NPHP4: variants seen among roughly 807,000 people sequenced by gnomAD.
The protein encoded by NPHP4 is nephrocystin 4, also known as nephrocystin-4.
NPHP4 carries 151 observed loss-of-function variants against 155.8 expected under a neutral mutation model. That is an observed-to-expected ratio of 0.97 (90% CI 0.85 to 1.11). The LOEUF is 1.11. NPHP4 is among the 50% of genes least tolerant of loss of function. NPHP4 has a pLI of 0.00. For synonymous variants in NPHP4, 845 were observed against 816.8 expected (o/e 1.03, Z -0.59); for missense variants, 1,956 against 1,925.7 (o/e 1.02, Z -0.29).
intron 11 of NPHP4, among the ~76,000 whole-genome samples, chr1:5,926,678 T>C (rs1209605918): frequency 6.6e-6 from 1 of 152,114 alleles, no homozygotes; most frequent in South Asian, 2.1e-4. Flanking sequence ...AATTAGAATC[T>C]CAATCCATGA....
chr1:5,977,130 C>G (rs76257192), intron 3 of NPHP4, among the ~76,000 whole-genome samples: 36 of 152,152 alleles, frequency 2.4e-4, no homozygotes, highest in Non-Finnish European at 3.5e-4. Context: ...AAACTCCCCC[C>G]ACTCGAGTTC....
chr1:5,941,289 C>CAAAAAAAAAA (rs66676950), intron 9 of NPHP4, among the ~76,000 whole-genome samples: 6 of 44,774 alleles, frequency 1.3e-4, no homozygotes, highest in African/African-American at 4.9e-4. Flanking sequence ...GAGATCTAGA[C>CAAAAAAAAAA]AAAAAAAAAA....
intron 7 of NPHP4, among the ~76,000 whole-genome samples, chr1:5,948,934 T>C (rs1647357572): frequency 6.6e-6 from 1 of 152,238 alleles, no homozygotes; most frequent in African/African-American, 2.4e-5. Flanking sequence ...TATTAAATTA[T>C]GTGATCTTTG....
Position 5,874,448 on chromosome 1 carries a change from C to T in NPHP4, c.3231+23G>A, listed in dbSNP as rs1356630664. The T allele has an allele frequency of 6.7e-6, 10 of 1,497,548 alleles. No individual in the cohort carries two copies. The South Asian group carries it at 7.9e-5, about 12-fold the overall frequency. 92.8% of individuals were successfully genotyped at this position (1,497,548 alleles called of 1,614,324 possible). A position where few individuals can be genotyped will look rare whatever the true frequency, so the allele number is the denominator to read the frequency against. Reference sequence around the variant, plus strand: ...CACCGTCATCAGCCAAATGCAACTTCCCTGTGTGCCTGACACCCGCACCTG... The same window carrying T: ...CACCGTCATCAGCCAAATGCAACTTTCCTGTGTGCCTGACACCCGCACCTG... On this transcript the variant is annotated intron_variant, in intron 22 of 29. Coordinates refer to ENST00000378156, the MANE Select transcript of NPHP4 (RefSeq NM_015102.5).
intron 17 of NPHP4, chr1:5,888,289 C>A: frequency 1.0e-6 from 1 of 973,634 alleles, no homozygotes; most frequent in Non-Finnish European, 1.2e-6. Context: ...TGACAACGGC[C>A]TCACGGCTGT....
At chr1:5,880,007 ACACACACACATG>A (rs1270912535) in intron 19 of NPHP4, 95 bp downstream of exon 19, 16 of 1,316,004 alleles carry the variant, frequency 1.2e-5, no homozygotes, top group Admixed American at 1.1e-4. Flanking sequence ...AATGGTGCAC[ACACACACACATG>A]CACACACGCA....
In NPHP4 at chr1:5,947,148, G is replaced by A. The variant is rs1430741326; in HGVS notation, c.1075C>T (p.Gln359Ter). ...VGHPAFAVIFQLEYVFSSPAG... is the reference protein window; with the variant it reads ...VGHPAFAVIF ...GGGCTGCTGAACACGTACTCCAGCT[G>A]GAAGATGACCGCAAATGCAGGGTGG... is the stretch of plus-strand genomic sequence containing the variant. Residue 359 changes from glutamine to a stop codon, truncating the protein, a stop_gained, in exon 9 of 30, where the codon CAG becomes TAG. Coordinates refer to ENST00000378156, the MANE Select transcript of NPHP4 (RefSeq NM_015102.5). LOFTEE classifies it high-confidence loss of function. 8.7e-6 allele frequency: 14 copies of A among 1,613,894 alleles called. No individual in the cohort carries two copies. Among genetic ancestry groups the A allele is most frequent in the Non-Finnish European group, 1.2e-5 (14 of 1,179,898 alleles).
intron 6 of NPHP4, among the ~76,000 whole-genome samples, chr1:5,954,338 A>G (rs1648779971): frequency 6.6e-6 from 1 of 152,250 alleles, no homozygotes; most frequent in Non-Finnish European, 1.5e-5. Context: ...TTGTAAGTGA[A>G]AAGAATAGTA....
At chr1:5,980,479 G>A (rs904575461) in intron 2 of NPHP4, among the ~76,000 whole-genome samples, 1 of 152,220 alleles carries the variant, frequency 6.6e-6, no homozygotes, top group African/African-American at 2.4e-5. Context: ...AATCATGCAG[G>A]GAGGCCAGGG....
Position 5,867,350 on chromosome 1 carries a change from G to A in NPHP4, c.3473-235C>T, listed in dbSNP as rs556446053. 1.8e-6 allele frequency: 1 copy of A among 559,484 alleles called. No individual in the cohort carries two copies. Among genetic ancestry groups the A allele is most frequent in the East Asian group, 2.9e-5 (1 of 34,200 alleles). 34.7% of individuals were successfully genotyped at this position (559,484 alleles called of 1,614,324 possible). A position where few individuals can be genotyped will look rare whatever the true frequency, so the allele number is the denominator to read the frequency against. On this transcript the variant is annotated intron_variant, in intron 24 of 29. Transcript: ENST00000378156. The surrounding 1 kb of genome is among the most constrained non-coding windows in gnomAD (Gnocchi z 4.1). ...GCTCGGCTGCAGCCATCTCCACAGG[G>A]AATAATCGAGGGGGCCACAAAAAAG...
At chr1:5,989,337 T>TC (rs1483114359) in intron 1 of NPHP4, among the ~76,000 whole-genome samples, 1 of 152,148 alleles carries the variant, frequency 6.6e-6, no homozygotes, top group Admixed American at 6.5e-5. Flanking sequence ...CATACAGCTG[T>TC]CCACGACTTA....
intron 11 of NPHP4, among the ~76,000 whole-genome samples, chr1:5,923,227 G>A (rs1645835205): frequency 6.6e-6 from 1 of 152,152 alleles, no homozygotes; most frequent in Non-Finnish European, 1.5e-5. Context: ...CTATTAACAG[G>A]ACTTCTACTT....
In NPHP4 at chr1:5,862,943, G is replaced by A. The variant is rs1640796584; in HGVS notation, c.*322C>T. On this transcript the variant is annotated 3_prime_UTR_variant, in exon 30 of 30. Transcript: ENST00000378156. Reference sequence around the variant, plus strand: ...AGAAAAACATAATTTTCTCATTTAGGATGATTCATAAAATACATTTTGAGC... The same window carrying A: ...AGAAAAACATAATTTTCTCATTTAGAATGATTCATAAAATACATTTTGAGC... The A allele has an allele frequency of 2.8e-6, 1 of 363,466 alleles. No individual in the cohort carries two copies. The highest frequency in any genetic ancestry group is 4.5e-5 in the South Asian group (1 of 22,008). 22.5% of individuals were successfully genotyped at this position (363,466 alleles called of 1,614,324 possible).
chr1:5,947,490 G>A (rs1244114921), intron 8 of NPHP4, among the ~76,000 whole-genome samples: 6 of 152,188 alleles, frequency 3.9e-5, no homozygotes, highest in African/African-American at 7.2e-5. Context: ...CAATCCTCCC[G>A]CCTCAGCCTC....
Position 5,862,986 on chromosome 1 carries a change from T to C in NPHP4, c.*279A>G. The C allele has an allele frequency of 4.1e-6, 2 of 482,408 alleles. No individual in the cohort carries two copies. The highest frequency in any genetic ancestry group is 6.5e-5 in the East Asian group (2 of 30,560). The allele number at this position is 482,408 out of a possible 1,614,324, so 29.9% of individuals were successfully genotyped here. A position where few individuals can be genotyped will look rare whatever the true frequency, so the allele number is the denominator to read the frequency against. ...TTTTGAGCAACAGCGATAACGAGGG[T>C]CCCACATGCGTAGATGGCAGCACCA... On this transcript the variant is annotated 3_prime_UTR_variant, in exon 30 of 30. Coordinates refer to ENST00000378156, the MANE Select transcript of NPHP4 (RefSeq NM_015102.5).
chr1:5,909,266 G>GCCCACT, intron 11 of NPHP4, 53 bp from the exon 12 acceptor site: 1 of 1,444,716 alleles, frequency 6.9e-7, no homozygotes, highest in Non-Finnish European at 9.6e-7. Context: ...CTGTGTTGGG[G>GCCCACT]GCAGTGGGCC....
At position 5,969,120 on chromosome 1, in the gene NPHP4, G is replaced by A. The variant is rs370837214; in HGVS notation, c.419C>T (p.Pro140Leu). ...FGILRIFSNQPDSPISASQDK... is the reference protein window; with the variant it reads ...FGILRIFSNQLDSPISASQDK... ...CTGGGAAGCAGAGATAGGAGAGTCC[G>A]GCTGGTTGCTGAAGATCCGAAGAAT... The change falls in exon 4 of 30, where the codon CCG becomes CTG. Residue 140 changes from proline to leucine, a missense_variant. Physicochemically the swap from Pro to Leu is moderately conservative, Grantham distance 98. Coordinates refer to ENST00000378156, the MANE Select transcript of NPHP4 (RefSeq NM_015102.5). 6.8e-5 allele frequency: 106 copies of A among 1,550,944 alleles called. No individual in the cohort carries two copies. The African/African-American group carries it at 8.1e-4, about 12-fold the overall frequency.
At chr1:5,989,901 A>G (rs993740437) in intron 1 of NPHP4, among the ~76,000 whole-genome samples, 1 of 152,214 alleles carries the variant, frequency 6.6e-6, no homozygotes, top group Non-Finnish European at 1.5e-5. Flanking sequence ...AGGAGGGCAG[A>G]CACTAGGCGG....
At chr1:5,935,727 C>T (rs1426459491) in intron 9 of NPHP4, among the ~76,000 whole-genome samples, 2 of 152,050 alleles carry the variant, frequency 1.3e-5, no homozygotes, top group Non-Finnish European at 2.9e-5. Context: ...ATACAAAAAT[C>T]AGCTGGGCAT....
Sources: allele counts gnomAD v4.1 joint callset (sites outside exome capture counted in the v4.1 genomes callset), GRCh38; gene constraint gnomAD v4.1.1; non-coding constraint Gnocchi (gnomAD v3.1); transcripts MANE v1.5; gene names NCBI Gene and HGNC (gene_info 2026-07-23, HGNC 2026-07-21).